WDR49: variants seen among roughly 807,000 people sequenced by gnomAD.
WDR49 encodes cilia- and flagella-associated protein 337.
WDR49 carries 107 observed loss-of-function variants against 119.5 expected under a neutral mutation model. That is an observed-to-expected ratio of 0.90 (90% CI 0.77 to 1.05). WDR49 has a LOEUF of 1.05. Among genes scored for constraint, WDR49 ranks in the 50% least tolerant of loss-of-function variants. WDR49 has a pLI of 0.00. For synonymous variants in WDR49, 425 were observed against 418.8 expected, an observed-to-expected ratio of 1.01 and a Z score of -0.18; for missense variants, 1,240 against 1,220.5, an observed-to-expected ratio of 1.02 and a Z score of -0.24.
intron 2 of WDR49, among the ~76,000 whole-genome samples, chr3:167,640,916 C>A (rs1357048996): frequency 6.6e-6 from 1 of 151,708 alleles, no homozygotes; most frequent in African/African-American, 2.4e-5. Flanking sequence ...ATGGAAGTGT[C>A]TGTGTGTTTC....
chr3:167,592,646 G>T (rs1311071584), intron 7 of WDR49, among the ~76,000 whole-genome samples: 1 of 152,020 alleles, frequency 6.6e-6, no homozygotes, highest in Non-Finnish European at 1.5e-5. Flanking sequence ...TGTTGGGCAG[G>T]ACGGTCTCCA....
At chr3:167,610,397 C>G (rs1716285202) in intron 5 of WDR49, among the ~76,000 whole-genome samples, 2 of 152,180 alleles carry the variant, frequency 1.3e-5, no homozygotes, top group South Asian at 4.1e-4. Flanking sequence ...CAACAGTAGT[C>G]AGGAAGTACT....
At chr3:167,567,364 C>A (rs1346946583) in intron 8 of WDR49, among the ~76,000 whole-genome samples, 1 of 152,208 alleles carries the variant, frequency 6.6e-6, no homozygotes, top group African/African-American at 2.4e-5. Context: ...AAATTCATAT[C>A]TTGAAACCCT....
chr3:167,533,538 T>G (rs1752921214), intron 11 of WDR49, among the ~76,000 whole-genome samples: 1 of 152,056 alleles, frequency 6.6e-6, no homozygotes, highest in Non-Finnish European at 1.5e-5. Flanking sequence ...TTCTTGTGTG[T>G]GTATGTGTGT....
chr3:167,480,013 C>T (rs1750642176), intron 18 of WDR49, among the ~76,000 whole-genome samples: 1 of 151,664 alleles, frequency 6.6e-6, no homozygotes, highest in South Asian at 2.1e-4. Flanking sequence ...GGTGAATTGC[C>T]TGAGGTCAGG....
chr3:167,614,879 G>T (rs1716520996), intron 5 of WDR49, among the ~76,000 whole-genome samples: 1 of 152,162 alleles, frequency 6.6e-6, no homozygotes, highest in African/African-American at 2.4e-5. Flanking sequence ...CGTTACTGGG[G>T]TAAAGAGAAT....
At chr3:167,530,759 C>T (rs1022185422) in intron 13 of WDR49, among the ~76,000 whole-genome samples, 3 of 152,110 alleles carry the variant, frequency 2.0e-5, no homozygotes, top group African/African-American at 7.2e-5. Context: ...TGGACTTAAG[C>T]TTTGACTTCG....
In WDR49 at chr3:167,522,357, T is replaced by C. The variant is rs752379621; in HGVS notation, c.2732A>G (p.His911Arg). 5.0e-6 allele frequency: 8 copies of C among 1,598,348 alleles called. No homozygotes were observed. The highest frequency in any genetic ancestry group is 6.8e-6 in the Non-Finnish European group (8 of 1,176,544). ...KEESCLDPTEHSLLNKKNKDD... is the reference protein window; with the variant it reads ...KEESCLDPTERSLLNKKNKDD... ...TTTGTTTTTCTTATTAAGTAGAGAATGTTCTGTTGGGTCTAAACAAGATTC... is the reference window on the plus strand; with the variant it reads ...TTTGTTTTTCTTATTAAGTAGAGAACGTTCTGTTGGGTCTAAACAAGATTC... Residue 911 changes from histidine to arginine, a missense_variant, in exon 16 of 19, where the codon CAT becomes CGT. By Grantham distance (29) the His-to-Arg change is conservative (BLOSUM62 0). Transcript: ENST00000682715.
Position 167,627,061 on chromosome 3 carries a change from C to G in WDR49, c.397G>C (p.Glu133Gln). Residue 133 changes from glutamate (E) to glutamine (Q), a missense_variant, in exon 3 of 19, where the codon GAA becomes CAA. Glu to Gln is a conservative substitution (Grantham distance 29). Coordinates refer to ENST00000682715, the MANE Select transcript of WDR49 (RefSeq NM_001366157.1). Reference protein sequence around the residue: ...ATVVPQWKDLEFLPVKHKDTI... With the variant: ...ATVVPQWKDLQFLPVKHKDTI... Reference sequence around the variant, plus strand: ...TCCTTGTGTTTTACTGGGAGGAATTCAAGGTCCTTCCACTGGGGCACCACA... The same window carrying G: ...TCCTTGTGTTTTACTGGGAGGAATTGAAGGTCCTTCCACTGGGGCACCACA... 7.7e-7 allele frequency: 1 copy of G among 1,304,172 alleles called. No individual in the cohort carries two copies. The highest frequency in any genetic ancestry group is 9.7e-7 in the Non-Finnish European group (1 of 1,026,410). The allele number at this position is 1,304,172 out of a possible 1,614,324, so 80.8% of individuals were successfully genotyped here.
chr3:167,549,308 A>G (rs1190343701), intron 10 of WDR49, among the ~76,000 whole-genome samples: 1 of 152,202 alleles, frequency 6.6e-6, no homozygotes, highest in Non-Finnish European at 1.5e-5. Context: ...CAGTCCCACC[A>G]ACAGTGTAAA....
intron 8 of WDR49, chr3:167,575,244 G>A: frequency 2.0e-6 from 2 of 986,004 alleles, no homozygotes; most frequent in Non-Finnish European, 2.4e-6. Context: ...CCCACACTGA[G>A]CTCACTGGCT....
In WDR49 at chr3:167,531,097, T is replaced by C. The variant is rs1267912175; in HGVS notation, c.2218+18A>G. ...GCTCCCTTTCCAACTATATGTAAAA[T>C]GTAAATATATATTTTACCTGTCACT... On this transcript the variant is annotated intron_variant, in intron 13 of 18. Transcript: ENST00000682715. 1.3e-6 allele frequency: 2 copies of C among 1,599,480 alleles called. No individual in the cohort carries two copies.
intron 2 of WDR49, among the ~76,000 whole-genome samples, chr3:167,651,145 G>GT (rs1182501145): frequency 6.6e-6 from 1 of 152,020 alleles, no homozygotes; most frequent in South Asian, 2.1e-4. Flanking sequence ...CCAACTTCCT[G>GT]TTTTTTCACT....
At position 167,653,319 on chromosome 3, in the gene WDR49, C is replaced by T. The variant is rs1718478760; in HGVS notation, c.107G>A (p.Gly36Asp). The T allele has an allele frequency of 5.2e-6, 8 of 1,536,190 alleles. No homozygotes were observed. Among genetic ancestry groups the T allele is most frequent in the Non-Finnish European group, 7.0e-6 (8 of 1,146,918 alleles). Residue 36 changes from glycine to aspartate, a missense_variant, in exon 2 of 19, where the codon GGC (glycine) becomes GAC (aspartate). Coordinates refer to ENST00000682715, the MANE Select transcript of WDR49 (RefSeq NM_001366157.1). Reference protein sequence around the residue: ...GVTAFEDYGTGLLENQLSVGD... With the variant: ...GVTAFEDYGTDLLENQLSVGD... ...CACGCTGAGTTGGTTTTCAAGCAGG[C>T]CTGTGCCATAGTCTTCAAATGCAGT...
At chr3:167,602,348 A>T in intron 6 of WDR49, 73 bp from the exon 7 acceptor site, 1 of 1,323,392 alleles carries the variant, frequency 7.6e-7, no homozygotes, top group Non-Finnish European at 1.0e-6. Flanking sequence ...TTGTGAAATG[A>T]GTTTACCATA....
intron 16 of WDR49, among the ~76,000 whole-genome samples, chr3:167,510,752 T>C (rs556524417): frequency 9.2e-4 from 140 of 152,188 alleles, no homozygotes; most frequent in Non-Finnish European, 1.6e-3. Context: ...AATGAGAAAA[T>C]AGCTTTAAGA....
At chr3:167,624,834 T>C (rs1286297402) in intron 3 of WDR49, among the ~76,000 whole-genome samples, 1 of 152,078 alleles carries the variant, frequency 6.6e-6, no homozygotes, top group Non-Finnish European at 1.5e-5. Context: ...ACAAGTTAAA[T>C]ATTAGCTCCA....
intron 16 of WDR49, among the ~76,000 whole-genome samples, chr3:167,512,438 A>G (rs1752013948): frequency 6.6e-6 from 1 of 152,270 alleles, no homozygotes; most frequent in African/African-American, 2.4e-5. Flanking sequence ...AAAATACCCC[A>G]CAAAATCTCA....
At chr3:167,479,571 G>A (rs1352584791) in intron 18 of WDR49, among the ~76,000 whole-genome samples, 2 of 152,094 alleles carry the variant, frequency 1.3e-5, no homozygotes, top group African/African-American at 4.8e-5. Flanking sequence ...TTAAACAAAT[G>A]CTTATTGAAT....
Sources: allele counts gnomAD v4.1 joint callset (sites outside exome capture counted in the v4.1 genomes callset), GRCh38; gene constraint gnomAD v4.1.1; transcripts MANE v1.5; gene names NCBI Gene and HGNC (gene_info 2026-07-23, HGNC 2026-07-21).